Variants in DYM observed in about 807,000 individuals in gnomAD.
The protein encoded by DYM is dyggve-Melchior-Clausen syndrome protein.
DYM carries 78 observed loss-of-function variants against 93.1 expected under a neutral mutation model. The ratio of observed to expected loss-of-function variants is 0.84; its 90% CI spans 0.70 to 1.01. The LOEUF is 1.01. DYM is among the 50% of genes least tolerant of loss of function. DYM has a pLI of 0.00. For missense variants in DYM, 789 were observed against 845.0 expected, an observed-to-expected ratio of 0.93 and a Z score of 0.82; for synonymous variants, 321 against 319.7, an observed-to-expected ratio of 1.00 and a Z score of -0.04.
At chr18:49,327,031 G>C (rs2062935456) in intron 8 of DYM, among the ~76,000 whole-genome samples, 1 of 122,110 alleles carries the variant, frequency 8.2e-6, no homozygotes, top group African/African-American at 3.1e-5. Flanking sequence ...GTGTGTGTGT[G>C]TGTGTGGTGG....
At chr18:49,375,299 G>A (rs1455100905) in intron 5 of DYM, among the ~76,000 whole-genome samples, 1 of 148,340 alleles carries the variant, frequency 6.7e-6, no homozygotes, top group Admixed American at 6.7e-5. Flanking sequence ...ATATATATAT[G>A]TATATATACA....
intron 6 of DYM, among the ~76,000 whole-genome samples, chr18:49,349,131 C>T (rs1270973324): frequency 6.6e-6 from 1 of 152,134 alleles, no homozygotes; most frequent in Non-Finnish European, 1.5e-5. Flanking sequence ...TCGCTTGAAC[C>T]TGGGAGGCGG....
chr18:49,209,078 C>A (rs1370512427), intron 14 of DYM, among the ~76,000 whole-genome samples: 1 of 152,092 alleles, frequency 6.6e-6, no homozygotes, highest in African/African-American at 2.4e-5. Flanking sequence ...AATACAAAAC[C>A]CCAATAGTAT....
intron 17 of DYM, among the ~76,000 whole-genome samples, chr18:49,045,726 A>G (rs912439552): frequency 2.6e-5 from 4 of 152,194 alleles, no homozygotes; most frequent in African/African-American, 4.8e-5. Context: ...GGTGGCAGCC[A>G]GACGAAGGGG....
At chr18:49,125,860 C>T (rs1247629372) in intron 15 of DYM, among the ~76,000 whole-genome samples, 1 of 152,178 alleles carries the variant, frequency 6.6e-6, no homozygotes, top group East Asian at 1.9e-4. Flanking sequence ...GTCTGTCGCC[C>T]TACTCCTACT....
intron 15 of DYM, among the ~76,000 whole-genome samples, chr18:49,131,538 A>T (rs185205012): frequency 2.1e-4 from 32 of 152,250 alleles, no homozygotes; most frequent in Admixed American, 1.0e-3. Context: ...GCCTCTTCTT[A>T]TAAGAGCACC....
At chr18:49,351,927 A>G (rs1414542771) in intron 6 of DYM, among the ~76,000 whole-genome samples, 1 of 152,230 alleles carries the variant, frequency 6.6e-6, no homozygotes, top group Non-Finnish European at 1.5e-5. Flanking sequence ...TGACACAGCT[A>G]TGTGATAGCC....
At chr18:49,180,933 T>C (rs1303750553) in intron 14 of DYM, among the ~76,000 whole-genome samples, 4 of 152,192 alleles carry the variant, frequency 2.6e-5, no homozygotes, top group Non-Finnish European at 5.9e-5. Context: ...CTGTGGGCTC[T>C]GCATTGCCAG....
intron 17 of DYM, among the ~76,000 whole-genome samples, chr18:49,077,863 C>G (rs1024681000): frequency 8.5e-5 from 13 of 152,136 alleles, no homozygotes; most frequent in African/African-American, 3.1e-4. Flanking sequence ...CCTTTGCAGA[C>G]AGTATATAGT....
intron 2 of DYM, among the ~76,000 whole-genome samples, chr18:49,420,755 T>C (rs1416070090): frequency 6.6e-6 from 1 of 152,074 alleles, no homozygotes; most frequent in Non-Finnish European, 1.5e-5. Flanking sequence ...GGAATTCCCT[T>C]TCCTAGCCAA....
chr18:49,415,073 T>C (rs1171302775), intron 2 of DYM, among the ~76,000 whole-genome samples: 1 of 152,064 alleles, frequency 6.6e-6, no homozygotes, highest in Admixed American at 6.5e-5. Context: ...AAACCTCTGT[T>C]TCCAGGGCTC....
chr18:49,085,495 C>CT (rs770793655), intron 17 of DYM, among the ~76,000 whole-genome samples: 13 of 151,672 alleles, frequency 8.6e-5, no homozygotes, highest in Non-Finnish European at 1.8e-4. Context: ...AATCCAGTAA[C>CT]TGACATTATA....
intron 15 of DYM, among the ~76,000 whole-genome samples, chr18:49,149,702 G>GTTTTTTTT (rs35259913): frequency 1.4e-4 from 11 of 76,852 alleles, no homozygotes; most frequent in East Asian, 4.5e-4. Flanking sequence ...ATTACAAAGT[G>GTTTTTTTT]TTTTTTTTTT....
chr18:49,365,591 A>C (rs2066448154), intron 5 of DYM, among the ~76,000 whole-genome samples: 1 of 152,170 alleles, frequency 6.6e-6, no homozygotes, highest in African/African-American at 2.4e-5. Context: ...ACGTTTGCTA[A>C]ATGGTCACTC....
chr18:49,117,910 G>C (rs1239213789), intron 16 of DYM, among the ~76,000 whole-genome samples: 3 of 151,790 alleles, frequency 2.0e-5, no homozygotes, highest in African/African-American at 7.3e-5. Context: ...TGTTAGCCAG[G>C]ATGGTCTCGA....
Position 49,171,462 on chromosome 18 carries a change from A to C in DYM, c.1626-7675T>G, listed in dbSNP as rs137990938. Among the ~76,000 whole-genome samples, 71 of 152,312 alleles carry C rather than the reference A, an allele frequency of 4.7e-4. No individual in the cohort carries two copies. In the East Asian group the frequency reaches 9.4e-3, roughly 20 times the overall value. On this transcript the variant is annotated intron_variant, in intron 14 of 17. Coordinates refer to ENST00000675505, the MANE Select transcript of DYM (RefSeq NM_001353214.3). ...CTGGGAGCAGATGATTTACAGATAA[A>C]GAAACCTAGGTGTAGAGAGTTAGGT...
chr18:49,053,926 C>T (rs368226219), intron 17 of DYM, among the ~76,000 whole-genome samples: 1 of 152,134 alleles, frequency 6.6e-6, no homozygotes, highest in Non-Finnish European at 1.5e-5. Flanking sequence ...CAAGAACAAG[C>T]GGGGAGCATG....
In DYM at chr18:49,044,175, C is replaced by T. The variant is rs1338476705; in HGVS notation, c.2055G>A (p.Val685=). The T allele has an allele frequency of 6.2e-7, 1 of 1,614,138 alleles. No homozygotes were observed. The highest frequency in any genetic ancestry group is 8.5e-7 in the Non-Finnish European group (1 of 1,180,014). ...KKFPELKFKY[V]EEEQPEEFFI... is the part of the protein sequence containing the mutation. ...AAAACTCCTCGGGCTGCTCCTCTTC[C>T]ACATATTTGAATTTCAATTCTGGAA... The change falls in exon 18 of 18, where the codon GTG becomes GTA. Residue 685 remains valine (V), a synonymous_variant. Transcript: ENST00000675505.
At chr18:49,221,998 A>G (rs2093379773) in intron 13 of DYM, among the ~76,000 whole-genome samples, 1 of 151,348 alleles carries the variant, frequency 6.6e-6, no homozygotes, top group South Asian at 2.1e-4. Flanking sequence ...AAAAAAAAAG[A>G]AAGAAAAAAG....
Sources: allele counts gnomAD v4.1 joint callset (sites outside exome capture counted in the v4.1 genomes callset), GRCh38; gene constraint gnomAD v4.1.1; transcripts MANE v1.5; gene names NCBI Gene and HGNC (gene_info 2026-07-23, HGNC 2026-07-21).